The following DCN variants were observed in gnomAD, a reference collection of about 807,000 sequenced individuals.
DCN encodes the protein decorin.
DCN carries 17 observed loss-of-function variants against 36.5 expected under a neutral mutation model. The ratio of observed to expected loss-of-function variants is 0.47; its 90% confidence interval spans 0.32 to 0.70. The LOEUF (loss-of-function observed/expected upper bound fraction) is 0.70. Among genes scored for constraint, DCN ranks in the 30% least tolerant of loss-of-function variants. The pLI, the probability that DCN is intolerant of heterozygous loss-of-function variation, is 0.04. For missense variants in DCN, 389 were observed against 430.1 expected, an observed-to-expected ratio of 0.90 and a Z score of 0.84; for synonymous variants, 163 against 161.4, an observed-to-expected ratio of 1.01 and a Z score of -0.07.
chr12:91,154,124 G>T (rs1488209211), intron 5 of DCN, among the ~76,000 whole-genome samples: 1 of 151,994 alleles, frequency 6.6e-6, no homozygotes. Flanking sequence ...AAAAACCACA[G>T]GTTTCATTTT....
chr12:91,150,362 A>G (rs1316812134), intron 7 of DCN, among the ~76,000 whole-genome samples: 1 of 152,230 alleles, frequency 6.6e-6, no homozygotes, highest in Admixed American at 6.5e-5. Context: ...CAGAAAATGA[A>G]TTAGACTCAT....
In DCN at chr12:91,151,637, C is replaced by T; in HGVS notation, c.885+17G>A. 1.2e-6 allele frequency: 2 copies of T among 1,613,806 alleles called. No homozygotes were observed. Among genetic ancestry groups the T allele is most frequent in the Non-Finnish European group, 1.7e-6 (2 of 1,179,818 alleles). ...GCTTTTTGGATATTCCTCACATAAGCAGTGGCTTTGCATTACCTGGATGTA... is the reference window on the plus strand; with the variant it reads ...GCTTTTTGGATATTCCTCACATAAGTAGTGGCTTTGCATTACCTGGATGTA... On this transcript the variant is annotated intron_variant, in intron 7 of 7. Transcript: ENST00000052754.
intron 4 of DCN, among the ~76,000 whole-genome samples, chr12:91,157,809 T>C (rs1881892266): frequency 6.6e-6 from 1 of 152,048 alleles, no homozygotes; most frequent in Non-Finnish European, 1.5e-5. Flanking sequence ...TTTGTATTTT[T>C]AGTAGAGATG....
At chr12:91,176,877 C>T (rs1162800068) in intron 2 of DCN, 1 of 152,112 alleles carries the variant, frequency 6.6e-6, no homozygotes, top group African/African-American at 2.4e-5. Flanking sequence ...TTTCTTTGTT[C>T]AGATTTTTTT....
chr12:91,158,047 T>C (rs993594176), intron 4 of DCN, among the ~76,000 whole-genome samples: 1 of 152,220 alleles, frequency 6.6e-6, no homozygotes, highest in African/African-American at 2.4e-5. Context: ...TTGCATATTG[T>C]GTGTGTGGTA....
chr12:91,151,182 T>A (rs1017729767), intron 7 of DCN: 4 of 209,282 alleles, frequency 1.9e-5, no homozygotes, highest in Non-Finnish European at 3.8e-5. Flanking sequence ...CTGCACATTC[T>A]GCAAACGTAT....
intron 7 of DCN, among the ~76,000 whole-genome samples, chr12:91,148,629 T>C (rs912069771): frequency 1.3e-5 from 2 of 148,538 alleles, no homozygotes; most frequent in South Asian, 2.1e-4. Flanking sequence ...GGCAGGAGAA[T>C]TTCTTGAACC....
chr12:91,175,782 C>T (rs577535638), intron 2 of DCN: 1 of 152,186 alleles, frequency 6.6e-6, no homozygotes, highest in East Asian at 1.9e-4. Flanking sequence ...TATAATAATT[C>T]AAGCTTCATG....
chr12:91,173,385 A>G (rs1285324027), intron 2 of DCN, among the ~76,000 whole-genome samples: 1 of 152,130 alleles, frequency 6.6e-6, no homozygotes, highest in Non-Finnish European at 1.5e-5. Flanking sequence ...GTTAGTTGTC[A>G]TTCAGGTCAG....
intron 7 of DCN, among the ~76,000 whole-genome samples, chr12:91,150,186 A>T (rs186124847): frequency 1.6e-4 from 24 of 152,362 alleles, no homozygotes; most frequent in Non-Finnish European, 3.2e-4. Context: ...ATTGAAGGGT[A>T]TAATACTGTC....
chr12:91,162,679 T>G (rs1592693283), intron 3 of DCN, among the ~76,000 whole-genome samples: 2 of 152,204 alleles, frequency 1.3e-5, no homozygotes, highest in African/African-American at 4.8e-5. Context: ...CACAGGCAGG[T>G]AACAAATCAC....
intron 3 of DCN, 124 bp from the exon 4 acceptor site, chr12:91,158,633 C>A: frequency 1.0e-5 from 7 of 693,354 alleles, no homozygotes; most frequent in Admixed American, 7.1e-5. Flanking sequence ...TGCAAGAAAT[C>A]AGAAAAAAAT....
intron 7 of DCN, among the ~76,000 whole-genome samples, chr12:91,149,179 G>T (rs1315233197): frequency 6.6e-6 from 1 of 152,022 alleles, no homozygotes; most frequent in African/African-American, 2.4e-5. Flanking sequence ...TATGAATATG[G>T]ACAAAAAATC....
Position 91,182,655 on chromosome 12 carries a change from C to T in DCN, c.-34G>A, listed in dbSNP as rs1423964020. 1 of 151,734 alleles carries T rather than the reference C, an allele frequency of 6.6e-6. No individual in the cohort carries two copies. The highest frequency in any genetic ancestry group is 1.5e-5 in the Non-Finnish European group (1 of 67,950). The allele number at this position is 151,734 out of a possible 1,614,324, so 9.4% of individuals were successfully genotyped here. A position where few individuals can be genotyped will look rare whatever the true frequency, so the allele number is the denominator to read the frequency against. ...TCAGGACAATTATTGAAAACCATAC[C>T]TTTTAATCCGGGAATTTGCCACAGG... On this transcript the variant is annotated splice_region_variant and 5_prime_UTR_variant, in exon 1 of 8. Transcript: ENST00000052754.
At chr12:91,158,920 C>T (rs1010280893) in intron 3 of DCN, among the ~76,000 whole-genome samples, 5 of 150,628 alleles carry the variant, frequency 3.3e-5, no homozygotes, top group African/African-American at 9.8e-5. Flanking sequence ...TGAGATCACA[C>T]GACTGCACTC....
Position 91,157,172 on chromosome 12 carries a change from C to T in DCN, c.555G>A (p.Pro185=), listed in dbSNP as rs147765043. 6 of 1,613,040 alleles carry T rather than the reference C, an allele frequency of 3.7e-6. No homozygotes were observed. The highest frequency in any genetic ancestry group is 2.2e-5 in the East Asian group (1 of 44,856). Residue 185 remains proline, a synonymous_variant, in exon 5 of 8, where the codon CCG becomes CCA. Coordinates refer to ENST00000052754, the MANE Select transcript of DCN (RefSeq NM_001920.5). ...CATTTTCAATTCCTGAGCTCTTCAG[C>T]GGATTGGTGCCCAGTTCTACAAATG... is the stretch of plus-strand genomic sequence containing the variant. ...QMIVIELGTN[P]LKSSGIENGA... is the part of the protein sequence containing the mutation.
chr12:91,165,804 A>G (rs1034983419), intron 2 of DCN, among the ~76,000 whole-genome samples: 3 of 152,152 alleles, frequency 2.0e-5, no homozygotes, highest in Non-Finnish European at 4.4e-5. Flanking sequence ...TTATTTTTTC[A>G]TAAATTCAAC....
intron 2 of DCN, chr12:91,176,223 G>A (rs1205340738): frequency 6.6e-6 from 1 of 151,780 alleles, no homozygotes; most frequent in African/African-American, 2.4e-5. Flanking sequence ...AAAATACCTT[G>A]CATGAGACCA....
chr12:91,160,721 G>A (rs1293539068), intron 3 of DCN, among the ~76,000 whole-genome samples: 1 of 152,018 alleles, frequency 6.6e-6, no homozygotes, highest in Non-Finnish European at 1.5e-5. Flanking sequence ...CTAAACAAGT[G>A]TTTGCTTTTG....
Sources: allele counts gnomAD v4.1 joint callset (sites outside exome capture counted in the v4.1 genomes callset), GRCh38; gene constraint gnomAD v4.1.1; transcripts MANE v1.5; gene names NCBI Gene and HGNC (gene_info 2026-07-23, HGNC 2026-07-21).